The following RPS6KC1 variants were observed in gnomAD, a reference collection of about 807,000 sequenced individuals.
RPS6KC1 encodes ribosomal protein S6 kinase C1, also known as inactive ribosomal protein S6 kinase delta-1.
Under a neutral mutation model 103.8 loss-of-function variants are expected in RPS6KC1, and 54 were observed. That is an observed-to-expected ratio of 0.52 (90% CI 0.42 to 0.65). The LOEUF is 0.65. Ranked by LOEUF, RPS6KC1 falls within the 30% of genes least tolerant of loss-of-function variation. The pLI, the probability that RPS6KC1 is intolerant of heterozygous loss-of-function variation, is 0.00. For synonymous variants in RPS6KC1, 439 were observed against 438.7 expected (o/e 1.00, Z -0.01); for missense variants, 1,151 against 1,253.8 (o/e 0.92, Z 1.24).
chr1:213,427,410 G>A, the RPS6KC1 span, among the ~76,000 whole-genome samples: 1 of 152,078 alleles, frequency 6.6e-6, no homozygotes, highest in Non-Finnish European at 1.5e-5. Context: ...TATAACTGAT[G>A]ATCTTTTCCT....
the RPS6KC1 span, among the ~76,000 whole-genome samples, chr1:213,310,641 C>T: frequency 6.6e-6 from 1 of 152,222 alleles, no homozygotes; most frequent in Non-Finnish European, 1.5e-5. Context: ...AATCTAAGTT[C>T]TGCATTCGTC....
chr1:213,776,065 C>T, the RPS6KC1 span, among the ~76,000 whole-genome samples: 6,199 of 152,242 alleles, frequency 0.041, 170 homozygotes, highest in Middle Eastern at 0.079. Context: ...ATTTCTCTTG[C>T]TGTTTTCACC....
the RPS6KC1 span, among the ~76,000 whole-genome samples, chr1:213,649,432 C>T: frequency 6.6e-6 from 1 of 152,094 alleles, no homozygotes; most frequent in East Asian, 1.9e-4. Flanking sequence ...ACTCCGCCCC[C>T]ACCTAGCCCT....
the RPS6KC1 span, among the ~76,000 whole-genome samples, chr1:213,573,767 C>T: frequency 1.3e-5 from 2 of 152,122 alleles, no homozygotes; most frequent in Non-Finnish European, 2.9e-5. Context: ...GGTAGGAGAG[C>T]CTTTGTTCCT....
At chr1:213,591,856 C>T in the RPS6KC1 span, among the ~76,000 whole-genome samples, 2 of 152,262 alleles carry the variant, frequency 1.3e-5, no homozygotes, top group Middle Eastern at 6.8e-3. Flanking sequence ...CACACCTTTC[C>T]TGAGTTGGGA....
At chr1:213,745,616 C>T in the RPS6KC1 span, among the ~76,000 whole-genome samples, 867 of 152,086 alleles carry the variant, frequency 5.7e-3, 3 homozygotes, top group Non-Finnish European at 9.8e-3. Flanking sequence ...CCTCTGTCCC[C>T]CAGGGAAGGA....
At chr1:213,338,862 G>T in the RPS6KC1 span, among the ~76,000 whole-genome samples, 2 of 151,364 alleles carry the variant, frequency 1.3e-5, no homozygotes, top group African/African-American at 4.9e-5. Flanking sequence ...GTGTCAGCAA[G>T]TAGCTTAGAG....
At chr1:213,133,021 C>T (rs762512897) in intron 6 of RPS6KC1, among the ~76,000 whole-genome samples, 44 of 152,152 alleles carry the variant, frequency 2.9e-4, no homozygotes, top group African/African-American at 6.5e-4. Flanking sequence ...TTTGCCCATC[C>T]GGCAGAGAAT....
the RPS6KC1 span, among the ~76,000 whole-genome samples, chr1:213,493,190 A>G: frequency 6.6e-6 from 1 of 152,318 alleles, no homozygotes; most frequent in African/African-American, 2.4e-5. Context: ...AATTAGTGGC[A>G]GTTTGCACTT....
At chr1:213,807,510 C>T in the RPS6KC1 span, among the ~76,000 whole-genome samples, 2 of 152,198 alleles carry the variant, frequency 1.3e-5, no homozygotes, top group East Asian at 1.9e-4. Context: ...AACTTCCCTT[C>T]TCACTTCATT....
At chr1:213,228,108 A>G (rs1224795389) in intron 8 of RPS6KC1, among the ~76,000 whole-genome samples, 1 of 152,118 alleles carries the variant, frequency 6.6e-6, no homozygotes, top group African/African-American at 2.4e-5. Context: ...TCTATAATAG[A>G]TGTTGGTGCT....
intron 12 of RPS6KC1, among the ~76,000 whole-genome samples, chr1:213,244,230 A>C (rs562243323): frequency 2.0e-5 from 3 of 151,586 alleles, no homozygotes; most frequent in Admixed American, 6.6e-5. Context: ...CCCACTTTCT[A>C]ATTTGATAAG....
chr1:213,405,140 C>T, the RPS6KC1 span, among the ~76,000 whole-genome samples: 1 of 152,352 alleles, frequency 6.6e-6, no homozygotes, highest in Non-Finnish European at 1.5e-5. Flanking sequence ...CCTGGGAAAT[C>T]AGAGTGCACT....
the RPS6KC1 span, among the ~76,000 whole-genome samples, chr1:213,392,009 T>C: frequency 6.6e-6 from 1 of 152,156 alleles, no homozygotes; most frequent in Admixed American, 6.5e-5. Context: ...ATTTGGTTTT[T>C]GAATTTTTTG....
the RPS6KC1 span, among the ~76,000 whole-genome samples, chr1:213,520,784 G>A: frequency 6.6e-6 from 1 of 151,996 alleles, no homozygotes; most frequent in African/African-American, 2.4e-5. Context: ...GTTTACTGGT[G>A]GATTTTCAAA....
intron 8 of RPS6KC1, among the ~76,000 whole-genome samples, chr1:213,192,611 G>A (rs111741184): frequency 0.034 from 5,129 of 152,172 alleles, 116 homozygotes; most frequent in Middle Eastern, 0.054. Flanking sequence ...TAGGTTGTAT[G>A]TCTCTAGGAG....
At chr1:213,789,030 G>A in the RPS6KC1 span, among the ~76,000 whole-genome samples, 3 of 152,150 alleles carry the variant, frequency 2.0e-5, no homozygotes, top group African/African-American at 7.2e-5. Flanking sequence ...CCCAAGTCTC[G>A]GCCAGGCTCC....
At chr1:213,321,440 C>G in the RPS6KC1 span, among the ~76,000 whole-genome samples, 1 of 152,120 alleles carries the variant, frequency 6.6e-6, no homozygotes, top group African/African-American at 2.4e-5. Context: ...TAATCAGTAC[C>G]CAGTGATGTA....
At chr1:213,778,831 T>G in the RPS6KC1 span, among the ~76,000 whole-genome samples, 1 of 152,064 alleles carries the variant, frequency 6.6e-6, no homozygotes. Context: ...AGGATTAGAT[T>G]TGGTCTCTAG....
Sources: gnomAD v4.1 joint callset for allele counts (sites outside exome capture counted in the v4.1 genomes callset) on GRCh38, gnomAD v4.1.1 for gene constraint, MANE v1.5 for transcripts, NCBI Gene and HGNC (gene_info 2026-07-23, HGNC 2026-07-21) for gene names.